Variants in PITPNM3 observed in about 807,000 individuals in gnomAD.
PITPNM3 encodes PITPNM family member 3, also known as membrane-associated phosphatidylinositol transfer protein 3.
A neutral mutation model predicts 102.0 loss-of-function variants in PITPNM3; 26 were observed. That is an observed-to-expected ratio of 0.25 (90% CI 0.19 to 0.35). PITPNM3 has a LOEUF of 0.35. PITPNM3 is among the 10% of genes least tolerant of loss of function. The probability of loss-of-function intolerance (pLI) is 1.00; values close to 1 mark genes in which losing one functional copy is unlikely to be tolerated. For synonymous variants in PITPNM3, 578 were observed against 558.6 expected, an observed-to-expected ratio of 1.03 and a Z score of -0.49; for missense variants, 1,083 against 1,346.1, an observed-to-expected ratio of 0.80 and a Z score of 3.06.
chr17:6,516,415 T>C (rs1201900307), intron 3 of PITPNM3, among the ~76,000 whole-genome samples: 1 of 150,338 alleles, frequency 6.7e-6, no homozygotes, highest in Non-Finnish European at 1.5e-5. Flanking sequence ...TACAAAAAAA[T>C]TAGCCAGGCG....
intron 1 of PITPNM3, among the ~76,000 whole-genome samples, chr17:6,552,557 A>T (rs1910369051): frequency 6.6e-6 from 1 of 152,164 alleles, no homozygotes; most frequent in African/African-American, 2.4e-5. Flanking sequence ...TCCTGTCTTC[A>T]TGCTCTTTGG....
rs562117716 is a variant in PITPNM3 at position 6,459,793 on chromosome 17, C to G, written c.2490+1580G>C. On this transcript the variant is annotated intron_variant, in intron 18 of 19. Transcript: ENST00000262483. This position sits in a 1 kb window ranked among gnomAD's most constrained non-coding sequence, Gnocchi z 5.0. ...CTGGATCCCTCCTGGTCACCCAGCACGGGCATCTTAGAACTCCTCGCTCCC... is the reference window on the plus strand; with the variant it reads ...CTGGATCCCTCCTGGTCACCCAGCAGGGGCATCTTAGAACTCCTCGCTCCC... Among the ~76,000 whole-genome samples, 4 of 152,272 alleles carry G rather than the reference C, an allele frequency of 2.6e-5. No individual in the cohort carries two copies. In the East Asian group the frequency reaches 7.7e-4, roughly 29 times the overall value.
chr17:6,506,562 G>A lies in PITPNM3; in HGVS notation c.227-2988C>T, dbSNP rs1397887364. 4.6e-5 allele frequency among the ~76,000 whole-genome samples: 7 copies of A among 152,210 alleles called. No individual in the cohort carries two copies. In the East Asian group the frequency reaches 9.7e-4, roughly 21 times the overall value. On this transcript the variant is annotated intron_variant, in intron 3 of 19. Coordinates refer to ENST00000262483, the MANE Select transcript of PITPNM3 (RefSeq NM_031220.4). ...AATTTTTGTATTTTTAGTAAAGATG[G>A]GGTTTTACCATGTTGGCCAAGATGG...
At position 6,525,406 on chromosome 17, in the gene PITPNM3, T is replaced by A; in HGVS notation, c.176A>T (p.Asn59Ile). The A allele has an allele frequency of 6.2e-7, 1 of 1,614,144 alleles. No individual in the cohort carries two copies. Among genetic ancestry groups the A allele is most frequent in the Non-Finnish European group, 8.5e-7 (1 of 1,180,010 alleles). Residue 59 changes from asparagine to isoleucine, a missense_variant, in exon 3 of 20, where the codon AAT becomes ATT. By Grantham distance (149) the Asn-to-Ile change is moderately radical. Transcript: ENST00000262483. ...ILIGMSQWNS[N>I]DLVEQIETMG... is the part of the protein sequence containing the mutation. ...GGTCTCGATCTGCTCCACGAGGTCATTGGAGTTCCACTGGCTCATCCCAAT... is the reference window on the plus strand; with the variant it reads ...GGTCTCGATCTGCTCCACGAGGTCAATGGAGTTCCACTGGCTCATCCCAAT...
At chr17:6,484,350 C>A in intron 4 of PITPNM3, 58 bp from the exon 5 acceptor site, 1 of 1,501,854 alleles carries the variant, frequency 6.7e-7, no homozygotes, top group Non-Finnish European at 9.3e-7. Flanking sequence ...TGACCAGACA[C>A]TCCCTGGGCC....
intron 3 of PITPNM3, among the ~76,000 whole-genome samples, chr17:6,509,043 G>C (rs1907713919): frequency 6.6e-6 from 1 of 152,176 alleles, no homozygotes; most frequent in African/African-American, 2.4e-5. Context: ...GTTTCAAGTG[G>C]AGGAGCTGCC....
Position 6,458,279 on chromosome 17 carries a change from AACCCGATCAAACT to A in PITPNM3, c.2491-570_2491-558del, listed in dbSNP as rs1914189512. Among the ~76,000 whole-genome samples, 1 of 151,970 alleles carries A rather than the reference AACCCGATCAAACT, an allele frequency of 6.6e-6. No homozygotes were observed. The highest frequency in any genetic ancestry group is 2.4e-5 in the African/African-American group (1 of 41,364). On this transcript the variant is annotated intron_variant, in intron 18 of 19. Transcript: ENST00000262483. The surrounding 1 kb of genome is among the most constrained non-coding windows in gnomAD (Gnocchi z 5.1). ...ACCCTTCCCTCCCCTCCCCAGGATA[AACCCGATCAAACT>A]ACCTCCTCCTGTGAGGTGCTCGCCA...
chr17:6,514,256 G>A (rs1370011555), intron 3 of PITPNM3, among the ~76,000 whole-genome samples: 2 of 151,220 alleles, frequency 1.3e-5, no homozygotes, highest in East Asian at 3.9e-4. Context: ...AGAAAAAATA[G>A]ATAAACCAAA....
At chr17:6,521,801 C>T (rs912275295) in intron 3 of PITPNM3, among the ~76,000 whole-genome samples, 4 of 152,154 alleles carry the variant, frequency 2.6e-5, no homozygotes, top group Admixed American at 1.3e-4. Flanking sequence ...GAAAGAGGCT[C>T]CAGGGCCAGA....
At chr17:6,493,839 C>A (rs926232312) in intron 4 of PITPNM3, among the ~76,000 whole-genome samples, 147 of 152,350 alleles carry the variant, frequency 9.6e-4, no homozygotes, top group Admixed American at 2.0e-3. Context: ...TTGTTAGATA[C>A]CCCAAGTGAA....
chr17:6,463,477 TTGAGGGAGGGAGGAAGGAAG>T (rs1389845281), intron 17 of PITPNM3, among the ~76,000 whole-genome samples: 1 of 68,462 alleles, frequency 1.5e-5, no homozygotes, highest in Admixed American at 1.4e-4. Flanking sequence ...AAGGAAGGAA[TTGAGGGAGGGAGGAAGGAAG>T]TGAGGGAGGG....
At chr17:6,476,959 C>A (rs1905335782) in intron 9 of PITPNM3, 70 bp downstream of exon 9, 1 of 1,561,860 alleles carries the variant, frequency 6.4e-7, no homozygotes, top group Non-Finnish European at 8.7e-7. Context: ...CCTGGGACAT[C>A]TGACTGGTCA....
Position 6,455,145 on chromosome 17 carries a change from C to T in PITPNM3, c.*193G>A. ...AGTGGCTGCACCGAGATCCCCGGAC[C>T]TCACCCCGTCGCAGCTCAGGGAGCC... On this transcript the variant is annotated 3_prime_UTR_variant, in exon 20 of 20. Transcript: ENST00000262483. 1 of 682,332 alleles carries T rather than the reference C, an allele frequency of 1.5e-6. No individual in the cohort carries two copies. The highest frequency in any genetic ancestry group is 2.3e-6 in the Non-Finnish European group (1 of 433,054). The allele number at this position is 682,332 out of a possible 1,614,324, so 42.3% of individuals were successfully genotyped here.
chr17:6,527,986 G>A (rs1908930910), intron 2 of PITPNM3, among the ~76,000 whole-genome samples: 1 of 152,210 alleles, frequency 6.6e-6, no homozygotes, highest in Admixed American at 6.5e-5. Context: ...CTAATCACCA[G>A]TATAACCCTG....
Position 6,477,180 on chromosome 17 carries a change from G to A in PITPNM3, c.934C>T (p.Leu312=). The stretch of plus-strand genomic sequence containing the variant: ...TTGCTGAGACGCTTGCTGCTGGCCA[G>A]GCTGCAATCTTCCTCCACCGCGACT... The part of the protein sequence containing the change: ...TPVAVEEDCS[L]ASSKRLSKSN... Residue 312 remains leucine, a synonymous_variant, in exon 9 of 20, where the codon CTG becomes TTG. Transcript: ENST00000262483. 6.2e-7 allele frequency: 1 copy of A among 1,614,168 alleles called. No homozygotes were observed. The highest frequency in any genetic ancestry group is 1.6e-4 in the Middle Eastern group (1 of 6,062).
chr17:6,530,538 A>C (rs1375662101), intron 2 of PITPNM3, among the ~76,000 whole-genome samples: 1 of 152,196 alleles, frequency 6.6e-6, no homozygotes, highest in Non-Finnish European at 1.5e-5. Flanking sequence ...CCAAGGACAC[A>C]AAAGACATGG....
intron 1 of PITPNM3, among the ~76,000 whole-genome samples, chr17:6,552,740 G>A (rs1910379384): frequency 6.7e-6 from 1 of 149,828 alleles, no homozygotes; most frequent in African/African-American, 2.5e-5. Context: ...CTGGAAGCCG[G>A]CCCCTGGCCA....
At chr17:6,471,987 C>G (rs1286634304) in intron 11 of PITPNM3, among the ~76,000 whole-genome samples, 2 of 152,202 alleles carry the variant, frequency 1.3e-5, no homozygotes, top group Non-Finnish European at 1.5e-5. Flanking sequence ...ACAACTCCCC[C>G]ATCCCTGACG....
rs9907305 is a variant in PITPNM3 at position 6,537,887 on chromosome 17, C to T, written c.118+100G>A. On this transcript the variant is annotated intron_variant, in intron 2 of 19. Transcript: ENST00000262483. The surrounding 1 kb of genome is among the most constrained non-coding windows in gnomAD (Gnocchi z 4.4). ...ATGGAGTGTGGAGCTGCAGATACCA[C>T]GTCTGAGTGGGGAGGGATGCGGACC... The T allele has an allele frequency of 0.16, 152,859 of 972,492 alleles. 12,989 individuals are homozygous for T. Among genetic ancestry groups the T allele is most frequent in the Middle Eastern group, 0.2 (953 of 4,672 alleles). The allele number at this position is 972,492 out of a possible 1,614,324, so 60.2% of individuals were successfully genotyped here.
Sources: allele counts gnomAD v4.1 joint callset (sites outside exome capture counted in the v4.1 genomes callset), GRCh38; gene constraint gnomAD v4.1.1; non-coding constraint Gnocchi (gnomAD v3.1); transcripts MANE v1.5; gene names NCBI Gene and HGNC (gene_info 2026-07-23, HGNC 2026-07-21).